COL17A1: variants seen among roughly 807,000 people sequenced by gnomAD.
The protein encoded by COL17A1 is collagen alpha-1(XVII) chain.
Under a neutral mutation model 218.4 loss-of-function variants are expected in COL17A1, and 181 were observed. The observed-to-expected ratio is 0.83, with a 90% CI of 0.73 to 0.94. The LOEUF is 0.94. Among genes scored for constraint, COL17A1 ranks in the 40% least tolerant of loss-of-function variants. COL17A1 has a pLI of 0.00. For synonymous variants in COL17A1, 721 were observed against 731.0 expected (o/e 0.99, Z 0.22); for missense variants, 1,924 against 1,945.9 (o/e 0.99, Z 0.21).
chr10:104,054,686 C>T (rs1389607392), intron 20 of COL17A1, among the ~76,000 whole-genome samples: 3 of 152,154 alleles, frequency 2.0e-5, no homozygotes, highest in Non-Finnish European at 4.4e-5. Flanking sequence ...AAGATAAAGA[C>T]TCCTGCCCAC....
chr10:104,068,287 A>C (rs2086643325), intron 9 of COL17A1, among the ~76,000 whole-genome samples: 1 of 13,520 alleles, frequency 7.4e-5, no homozygotes. Flanking sequence ...GCATCAAATC[A>C]TAACTGGATA....
Position 104,047,827 on chromosome 10 carries a change from C to G in COL17A1, c.2264-17G>C. 1 of 1,608,276 alleles carries G rather than the reference C, an allele frequency of 6.2e-7. No individual in the cohort carries two copies. The highest frequency in any genetic ancestry group is 8.5e-7 in the Non-Finnish European group (1 of 1,174,698). On this transcript the variant is annotated splice_polypyrimidine_tract_variant and intron_variant, in intron 30 of 55. Coordinates refer to ENST00000648076, the MANE Select transcript of COL17A1 (RefSeq NM_000494.4). ...CTTGTTCACCTAGAGAGAGAATGGCCAACGTGGAAGTGTTTACATTTAGGA... is the reference window on the plus strand; with the variant it reads ...CTTGTTCACCTAGAGAGAGAATGGCGAACGTGGAAGTGTTTACATTTAGGA...
At chr10:104,077,694 T>A (rs1018629329) in intron 3 of COL17A1, among the ~76,000 whole-genome samples, 168 bp from the exon 4 acceptor site, 6 of 92,956 alleles carry the variant, frequency 6.5e-5, no homozygotes, top group Non-Finnish European at 1.2e-4. Flanking sequence ...TCCAGTTTCG[T>A]TGGTTTTTTG....
chr10:104,081,102 A>G (rs1218410700), intron 1 of COL17A1, among the ~76,000 whole-genome samples: 1 of 152,216 alleles, frequency 6.6e-6, no homozygotes, highest in East Asian at 1.9e-4. Flanking sequence ...ATAATGTTCA[A>G]TGTTCTTTAT....
chr10:104,041,172 C>G, intron 38 of COL17A1, 54 bp from the exon 39 acceptor site: 1 of 1,611,240 alleles, frequency 6.2e-7, no homozygotes, highest in Non-Finnish European at 8.5e-7. Context: ...GCCAGGAACC[C>G]TCTGCTCAGG....
Position 104,060,114 on chromosome 10 carries a change from C to A in COL17A1, c.1141+5G>T. On this transcript the variant is annotated splice_donor_5th_base_variant and intron_variant, in intron 14 of 55. Transcript: ENST00000648076. ...GAAACCCAAGCCACACAGGATCTGA[C>A]GCACTTGCAGCGATGCTGGCAGGGG... 6.2e-7 allele frequency: 1 copy of A among 1,613,980 alleles called. No individual in the cohort carries two copies. Among genetic ancestry groups the A allele is most frequent in the Non-Finnish European group, 8.5e-7 (1 of 1,180,012 alleles).
In COL17A1 at chr10:104,041,343, C is replaced by A; in HGVS notation, c.2607G>T (p.Gly869=). ...PGPPGPRGPP[G]PSIPGPPGPR... ...GTCCTGGTGGGCCTGGAATGGAAGGCCCTGCAGAAGAGAGCAAGGAAGAGG... is the reference window on the plus strand; with the variant it reads ...GTCCTGGTGGGCCTGGAATGGAAGGACCTGCAGAAGAGAGCAAGGAAGAGG... The change falls in exon 38 of 56, where the codon GGG becomes GGT. Residue 869 remains glycine (G), a splice_region_variant and synonymous_variant. Transcript: ENST00000648076. 6.2e-7 allele frequency: 1 copy of A among 1,610,674 alleles called. No individual in the cohort carries two copies. The highest frequency in any genetic ancestry group is 8.5e-7 in the Non-Finnish European group (1 of 1,178,614).
chr10:104,075,852 C>G (rs1183155079), intron 5 of COL17A1, among the ~76,000 whole-genome samples: 3 of 152,226 alleles, frequency 2.0e-5, no homozygotes, highest in Non-Finnish European at 4.4e-5. Flanking sequence ...CAAACTCTTA[C>G]TCGTCATGAG....
Position 104,063,788 on chromosome 10 carries a change from C to G in COL17A1, c.797G>C (p.Cys266Ser). 1 of 1,614,184 alleles carries G rather than the reference C, an allele frequency of 6.2e-7. No homozygotes were observed. Reference protein sequence around the residue: ...VFGVPNNMASCSPTLHPGLST... With the variant: ...VFGVPNNMASSSPTLHPGLST... ...GAGTCCAGGGTGCAAAGTGGGTGAG[C>G]AGGACGCCATGTTGTTTGGAACTCC... Residue 266 changes from cysteine (C) to serine (S), a missense_variant, in exon 11 of 56, where the codon TGC becomes TCC. By Grantham distance (112) the Cys-to-Ser change is moderately radical. Coordinates refer to ENST00000648076, the MANE Select transcript of COL17A1 (RefSeq NM_000494.4).
At chr10:104,080,710 T>C (rs1322102120) in intron 1 of COL17A1, 26 bp from the exon 2 acceptor site, 2 of 1,610,728 alleles carry the variant, frequency 1.2e-6, no homozygotes, top group Admixed American at 1.7e-5. Flanking sequence ...GAAACCATGA[T>C]AGTCATACTT....
chr10:104,037,752 A>G lies in COL17A1; in HGVS notation c.3092T>C (p.Leu1031Pro). The change falls in exon 46 of 56, where the codon CTA (leucine) becomes CCA (proline). Residue 1031 changes from leucine (L) to proline (P), a missense_variant. Transcript: ENST00000648076. Reference protein sequence around the residue: ...YMQSDSIRSYLSGVQGPPGPP... With the variant: ...YMQSDSIRSYPSGVQGPPGPP... The stretch of plus-strand genomic sequence containing the variant: ...GCCTGGGGGACCCTGAACTCCGGAT[A>G]GGTAAGATCTAATACTGTCACCTGC... 1 of 1,614,104 alleles carries G rather than the reference A, an allele frequency of 6.2e-7. No individual in the cohort carries two copies. Among genetic ancestry groups the G allele is most frequent in the Non-Finnish European group, 8.5e-7 (1 of 1,180,004 alleles).
In COL17A1 at chr10:104,044,308, G is replaced by T. The variant is rs184019995; in HGVS notation, c.2399-448C>A. On this transcript the variant is annotated intron_variant, in intron 33 of 55. Transcript: ENST00000648076. The stretch of plus-strand genomic sequence containing the variant: ...TTGTAGGGGCTGTGCAGGATTAAAG[G>T]GGGGCTCTGCAGTGGGTAAGTCTAA... 4.7e-3 allele frequency among the ~76,000 whole-genome samples: 721 copies of T among 152,322 alleles called. 10 individuals carry two copies. The highest frequency in any genetic ancestry group is 0.017 in the African/African-American group (694 of 41,588).
chr10:104,063,805 TG>T lies in COL17A1; in HGVS notation c.779del (p.Pro260GlnfsTer32), dbSNP rs1589572214. On this transcript the variant is annotated frameshift_variant, in exon 11 of 56. Coordinates refer to ENST00000648076, the MANE Select transcript of COL17A1 (RefSeq NM_000494.4). LOFTEE classifies it high-confidence loss of function. The part of the protein sequence containing the change: ...AYSAGSVFGV[P>X]NNMASCSPTL... The stretch of plus-strand genomic sequence containing the variant: ...TGGGTGAGCAGGACGCCATGTTGTT[TG>T]GAACTCCGAAGACTGCAGGGGCAAG... 1 of 1,614,194 alleles carries T rather than the reference TG, an allele frequency of 6.2e-7. No individual in the cohort carries two copies. The highest frequency in any genetic ancestry group is 8.5e-7 in the Non-Finnish European group (1 of 1,180,020).
At position 104,032,942 on chromosome 10, in the gene COL17A1, C is replaced by G. The variant is rs776806814; in HGVS notation, c.4321G>C (p.Gly1441Arg). Residue 1441 changes from glycine (G) to arginine (R), a missense_variant, in exon 54 of 56, where the codon GGG becomes CGG. Coordinates refer to ENST00000648076, the MANE Select transcript of COL17A1 (RefSeq NM_000494.4). ...QTYGAIQGPP[G>R]QKGEMGTPGP... Reference sequence around the variant, plus strand: ...GGAGTGCCCATCTCTCCTTTTTGCCCAGGGGGTCCTTGAATGGCTCCATAA... The same window carrying G: ...GGAGTGCCCATCTCTCCTTTTTGCCGAGGGGGTCCTTGAATGGCTCCATAA... The G allele has an allele frequency of 6.2e-7, 1 of 1,613,888 alleles. No homozygotes were observed. The highest frequency in any genetic ancestry group is 1.3e-5 in the African/African-American group (1 of 74,890).
chr10:104,067,765 G>A (rs1413774260), intron 9 of COL17A1, among the ~76,000 whole-genome samples: 2 of 152,128 alleles, frequency 1.3e-5, no homozygotes, highest in Admixed American at 6.5e-5. Flanking sequence ...AACATGGCGA[G>A]TGCGCTGGCG....
Position 104,035,285 on chromosome 10 carries a change from C to T in COL17A1, c.3597G>A (p.Glu1199=), listed in dbSNP as rs750091163. The T allele has an allele frequency of 1.2e-6, 2 of 1,614,042 alleles. No homozygotes were observed. The highest frequency in any genetic ancestry group is 1.1e-5 in the South Asian group (1 of 91,040). The change falls in exon 50 of 56, where the codon GAG becomes GAA. Residue 1199 remains glutamate (E), a synonymous_variant. Transcript: ENST00000648076. The part of the protein sequence containing the change: ...PGNVWSSISV[E]DLSSYLHTAG... ...TACTATGTAAGTAAGACGAGAGGTC[C>T]TCCACGCTGATGCTGGACCACACAT...
In COL17A1 at chr10:104,058,261, AT is replaced by A. The variant is rs1446427916; in HGVS notation, c.1223-72del. ...TAGCTGCTCTGCCTATGGAGTAGCC[AT>A]TTTTTTATTCCTTTACTTTCTTAAT... is the stretch of plus-strand genomic sequence containing the variant. On this transcript the variant is annotated intron_variant, in intron 15 of 55. Transcript: ENST00000648076. The A allele has an allele frequency of 5.0e-6, 8 of 1,598,732 alleles. No homozygotes were observed. In the South Asian group the frequency reaches 6.7e-5, roughly 13 times the overall value.
intron 50 of COL17A1, 73 bp downstream of exon 50, chr10:104,035,190 G>T (rs2086263506): frequency 7.7e-7 from 1 of 1,300,624 alleles, no homozygotes; most frequent in Non-Finnish European, 1.1e-6. Flanking sequence ...GACTGCCCTT[G>T]CTAAAGCCCA....
Position 104,034,128 on chromosome 10 carries a change from C to CGCCTGCACCCAGGGA in COL17A1, c.3958_3972dup (p.Ser1320_Gly1324dup), listed in dbSNP as rs1349154934. On this transcript the variant is annotated inframe_insertion, in exon 52 of 56. Transcript: ENST00000648076. ...TCTCCTGCAGCTTCACCAAAGGCAC[C>CGCCTGCACCCAGGGA]GCCTGCACCCAGGGAGCCTGCACCA... 4.3e-6 allele frequency: 7 copies of CGCCTGCACCCAGGGA among 1,613,898 alleles called. No homozygotes were observed. The highest frequency in any genetic ancestry group is 5.9e-6 in the Non-Finnish European group (7 of 1,180,038).
Sources: allele counts gnomAD v4.1 joint callset (sites outside exome capture counted in the v4.1 genomes callset), GRCh38; gene constraint gnomAD v4.1.1; transcripts MANE v1.5; gene names NCBI Gene and HGNC (gene_info 2026-07-23, HGNC 2026-07-21).